Variants in PCDHGB3 observed in about 807,000 individuals in gnomAD.
The protein encoded by PCDHGB3 is protocadherin gamma-B3.
PCDHGB3 carries 40 observed loss-of-function variants against 59.2 expected under a neutral mutation model. That is an observed-to-expected ratio of 0.68 (90% confidence interval 0.52 to 0.88). The LOEUF (loss-of-function observed/expected upper bound fraction) is 0.88. Ranked by LOEUF, PCDHGB3 falls within the 40% of genes least tolerant of loss-of-function variation. PCDHGB3 has a pLI of 0.00. For synonymous variants in PCDHGB3, 581 were observed against 503.6 expected, an observed-to-expected ratio of 1.15 and a Z score of -2.06; for missense variants, 1,309 against 1,187.9, an observed-to-expected ratio of 1.10 and a Z score of -1.50.
Position 141,388,677 on chromosome 5 carries a change from A to G in PCDHGB3, c.2415+15868A>G, listed in dbSNP as rs369048942. 2.1e-5 allele frequency: 34 copies of G among 1,613,854 alleles called. 1 individual carries two copies. Among genetic ancestry groups the G allele is most frequent in the African/African-American group, 2.7e-5 (2 of 74,914 alleles). ...CCCGGGGACCACGGTGCTACAGGTGACTGCCACGGACCAGGATGAGGGTGT... is the reference window on the plus strand; with the variant it reads ...CCCGGGGACCACGGTGCTACAGGTGGCTGCCACGGACCAGGATGAGGGTGT... On this transcript the variant is annotated intron_variant, in intron 1 of 3. Transcript: ENST00000576222.
In PCDHGB3 at chr5:141,372,665, C is replaced by T. The variant is rs570619495; in HGVS notation, c.2271C>T (p.Ala757=). 2.5e-6 allele frequency: 4 copies of T among 1,613,990 alleles called. No homozygotes were observed. In the African/African-American group the frequency reaches 4.0e-5, roughly 16 times the overall value. The part of the protein sequence containing the change: ...TLPYSYNPCA[A]SHSSNTEFKF... ...CTTATTCCTACAATCCGTGTGCTGC[C>T]TCACATTCCTCAAACACCGAGTTTA... The change falls in exon 1 of 4, where the codon GCC becomes GCT. Residue 757 remains alanine, a synonymous_variant. Transcript: ENST00000576222.
In PCDHGB3 at chr5:141,490,601, T is replaced by C. The variant is rs777393370; in HGVS notation, c.2416-4206T>C. 1 of 1,614,176 alleles carries C rather than the reference T, an allele frequency of 6.2e-7. No homozygotes were observed. The highest frequency in any genetic ancestry group is 8.5e-7 in the Non-Finnish European group (1 of 1,180,030). ...GATGTCAATGACAATGCACCCCGCTTCAACCAGCAGCTTTACACTGCTTAC... is the reference window on the plus strand; with the variant it reads ...GATGTCAATGACAATGCACCCCGCTCCAACCAGCAGCTTTACACTGCTTAC... On this transcript the variant is annotated intron_variant, in intron 1 of 3. Transcript: ENST00000576222. This position sits in a 1 kb window ranked among gnomAD's most constrained non-coding sequence, Gnocchi z 5.4.
At chr5:141,414,316 G>T (rs2095734692) in intron 1 of PCDHGB3, 1 of 1,613,682 alleles carries the variant, frequency 6.2e-7, no homozygotes, top group Admixed American at 1.7e-5. Flanking sequence ...TTTAGACTCT[G>T]AGCAGAATGG....
rs1404447940 is a variant in PCDHGB3 at position 141,428,036 on chromosome 5, C to T, written c.2415+55227C>T. On this transcript the variant is annotated intron_variant, in intron 1 of 3. Transcript: ENST00000576222. ...TGCCACGCGCCGCAGAGTCCGGCTA[C>T]CTGGTGACCAAGGTGGTGGCGGTGG... The T allele has an allele frequency of 3.7e-6, 6 of 1,608,246 alleles. No homozygotes were observed. The African/African-American group carries it at 4.0e-5, about 11-fold the overall frequency.
intron 1 of PCDHGB3, chr5:141,478,104 C>T (rs1440105341): frequency 6.2e-7 from 1 of 1,614,118 alleles, no homozygotes; most frequent in South Asian, 1.1e-5. Flanking sequence ...GCTACCCTCA[C>T]TGTGTCAGTA....
intron 1 of PCDHGB3, among the ~76,000 whole-genome samples, chr5:141,484,535 A>G (rs2099597486): frequency 6.6e-6 from 1 of 152,178 alleles, no homozygotes. Flanking sequence ...AGTATATGGC[A>G]GTGGTTCTAA....
chr5:141,378,118 C>T (rs1196603036), intron 1 of PCDHGB3: 3 of 152,190 alleles, frequency 2.0e-5, no homozygotes, highest in Non-Finnish European at 4.4e-5. Context: ...ATAGTGAACA[C>T]GTATTTGTTG....
Position 141,477,102 on chromosome 5 carries a change from C to T in PCDHGB3, c.2416-17705C>T. 2.5e-6 allele frequency: 4 copies of T among 1,614,232 alleles called. No homozygotes were observed. The South Asian group carries it at 4.4e-5, about 18-fold the overall frequency. On this transcript the variant is annotated intron_variant, in intron 1 of 3. Coordinates refer to ENST00000576222, the MANE Select transcript of PCDHGB3 (RefSeq NM_018924.5). This position sits in a 1 kb window ranked among gnomAD's most constrained non-coding sequence, Gnocchi z 4.9. Reference sequence around the variant, plus strand: ...TACATCCAGGCCAAAGACAAGGGCGCCAATCCCGAAGGAGCACATTGCAAA... The same window carrying T: ...TACATCCAGGCCAAAGACAAGGGCGTCAATCCCGAAGGAGCACATTGCAAA...
chr5:141,390,016 T>G (rs768656280), intron 1 of PCDHGB3: 2 of 1,613,978 alleles, frequency 1.2e-6, no homozygotes, highest in East Asian at 4.5e-5. Context: ...GCCATTGCCT[T>G]GCGCCTGCGA....
At chr5:141,430,682 C>A (rs2097302907) in intron 1 of PCDHGB3, 1 of 1,361,564 alleles carries the variant, frequency 7.3e-7, no homozygotes, top group South Asian at 1.7e-5. Flanking sequence ...CCAACTGTCC[C>A]ATTCTATGGG....
chr5:141,419,043 A>G (rs1561777660), intron 1 of PCDHGB3: 5 of 1,613,958 alleles, frequency 3.1e-6, no homozygotes. Flanking sequence ...TTTAAGATTC[A>G]TTCTTCTTCT....
chr5:141,422,106 C>G (rs763336868), intron 1 of PCDHGB3: 1 of 1,607,266 alleles, frequency 6.2e-7, no homozygotes, highest in Admixed American at 1.7e-5. Flanking sequence ...CTGAAATATT[C>G]CAATTGGATT....
chr5:141,375,212 G>T (rs757227553), intron 1 of PCDHGB3: 1 of 1,613,944 alleles, frequency 6.2e-7, no homozygotes, highest in Admixed American at 1.7e-5. Flanking sequence ...TCGAGACTCT[G>T]GCCTGAATGG....
At chr5:141,399,681 C>G (rs2093865042) in intron 1 of PCDHGB3, 1 of 1,613,408 alleles carries the variant, frequency 6.2e-7, no homozygotes, top group South Asian at 1.1e-5. Flanking sequence ...CCTTTGACTA[C>G]GAGCAGCTGC....
chr5:141,504,848 C>G (rs181277525), intron 2 of PCDHGB3, among the ~76,000 whole-genome samples: 1 of 152,236 alleles, frequency 6.6e-6, no homozygotes, highest in Non-Finnish European at 1.5e-5. Context: ...CTGGAACATT[C>G]TCTTCCATTT....
intron 1 of PCDHGB3, chr5:141,440,191 A>G (rs1239698049): frequency 1.3e-5 from 2 of 152,376 alleles, no homozygotes; most frequent in African/African-American, 4.8e-5. Context: ...GTTGAAGGCC[A>G]GGCATGGTGG....
intron 1 of PCDHGB3, among the ~76,000 whole-genome samples, chr5:141,460,577 TGTG>T (rs2098992364): frequency 6.6e-6 from 1 of 152,094 alleles, no homozygotes; most frequent in African/African-American, 2.4e-5. Context: ...CATATGTAGG[TGTG>T]GGTTTTTTCT....
intron 2 of PCDHGB3, among the ~76,000 whole-genome samples, chr5:141,495,758 C>T (rs2099763543): frequency 6.6e-6 from 1 of 152,122 alleles, no homozygotes; most frequent in Non-Finnish European, 1.5e-5. Flanking sequence ...ATCTCTGCCT[C>T]CCTGTCCTTG....
At chr5:141,385,376 C>T in intron 1 of PCDHGB3, 1 of 1,523,128 alleles carries the variant, frequency 6.6e-7, no homozygotes. Context: ...CATGATATTT[C>T]TCTATTATTT....
Sources: allele counts gnomAD v4.1 joint callset (sites outside exome capture counted in the v4.1 genomes callset), GRCh38; gene constraint gnomAD v4.1.1; non-coding constraint Gnocchi (gnomAD v3.1); transcripts MANE v1.5; gene names NCBI Gene and HGNC (gene_info 2026-07-23, HGNC 2026-07-21).